PPP4R4: variants seen among roughly 807,000 people sequenced by gnomAD.
The protein encoded by PPP4R4 is serine/threonine-protein phosphatase 4 regulatory subunit 4.
A neutral mutation model predicts 121.8 loss-of-function variants in PPP4R4; 70 were observed. That is an observed-to-expected ratio of 0.57 (90% CI 0.47 to 0.70). The LOEUF is 0.70. Among genes scored for constraint, PPP4R4 ranks in the 30% least tolerant of loss-of-function variants. PPP4R4 has a pLI of 0.00. For synonymous variants in PPP4R4, 348 were observed against 355.7 expected (o/e 0.98, Z 0.24); for missense variants, 875 against 1,033.6 (o/e 0.85, Z 2.10).
intron 2 of PPP4R4, among the ~76,000 whole-genome samples, chr14:94,197,374 A>G (rs1889935823): frequency 6.6e-6 from 1 of 152,044 alleles, no homozygotes; most frequent in South Asian, 2.1e-4. Context: ...TCACGTAGTT[A>G]TGGTGTAGAT....
chr14:94,261,753 G>A (rs1893795372), intron 19 of PPP4R4, among the ~76,000 whole-genome samples: 1 of 151,924 alleles, frequency 6.6e-6, no homozygotes, highest in African/African-American at 2.4e-5. Context: ...CTCCTAGTTT[G>A]CTAGGAGTTT....
chr14:94,220,906 A>G (rs1891351416), intron 3 of PPP4R4, among the ~76,000 whole-genome samples: 1 of 152,190 alleles, frequency 6.6e-6, no homozygotes, highest in South Asian at 2.1e-4. Context: ...GATTCGTATG[A>G]GAATGTAAAG....
At position 94,242,345 on chromosome 14, in the gene PPP4R4, C is replaced by A. The variant is rs756949153; in HGVS notation, c.1203C>A (p.Phe401Leu). The part of the protein sequence containing the change: ...KNFHMELYST[F>L]FCLCHDPEVP... ...TCCACATGGAACTCTATTCTACATT[C>A]TTCTGCCTTTGCCATGACCCTGAAG... The change falls in exon 11 of 25, where the codon TTC becomes TTA. Residue 401 changes from phenylalanine to leucine, a missense_variant. Physicochemically the swap from Phe to Leu is conservative, Grantham distance 22. Transcript: ENST00000304338. 2 of 1,608,938 alleles carry A rather than the reference C, an allele frequency of 1.2e-6. No homozygotes were observed. The highest frequency in any genetic ancestry group is 2.2e-5 in the East Asian group (1 of 44,784).
chr14:94,249,008 T>G (rs1310565141), intron 14 of PPP4R4, among the ~76,000 whole-genome samples: 1 of 152,114 alleles, frequency 6.6e-6, no homozygotes, highest in Non-Finnish European at 1.5e-5. Context: ...GGCTCTTATG[T>G]GCTTTTGACT....
At chr14:94,264,994 T>G in intron 20 of PPP4R4, 47 bp downstream of exon 20, 1 of 1,318,968 alleles carries the variant, frequency 7.6e-7, no homozygotes, top group Non-Finnish European at 1.1e-6. Flanking sequence ...ATAATTAATG[T>G]TGCATCCTGG....
chr14:94,176,154 G>C (rs758893313), intron 2 of PPP4R4, 27 bp downstream of exon 2: 43 of 1,560,870 alleles, frequency 2.8e-5, no homozygotes, highest in Non-Finnish European at 3.7e-5. Flanking sequence ...CTGTGAAATT[G>C]CTCTTCTTTT....
chr14:94,213,420 A>G (rs1356138487), intron 3 of PPP4R4, among the ~76,000 whole-genome samples: 1 of 152,190 alleles, frequency 6.6e-6, no homozygotes, highest in African/African-American at 2.4e-5. Context: ...ACTTGCATGA[A>G]AATTACTTAA....
intron 14 of PPP4R4, among the ~76,000 whole-genome samples, chr14:94,248,269 A>G (rs910637482): frequency 6.6e-6 from 1 of 152,246 alleles, no homozygotes; most frequent in South Asian, 2.1e-4. Flanking sequence ...TACACCAATA[A>G]TGTTCAAGCT....
At chr14:94,192,411 G>C (rs1349010487) in intron 2 of PPP4R4, among the ~76,000 whole-genome samples, 1 of 151,906 alleles carries the variant, frequency 6.6e-6, no homozygotes, top group Non-Finnish European at 1.5e-5. Context: ...AATTCTCTAA[G>C]GTAATCATTT....
In PPP4R4 at chr14:94,279,256, G is replaced by C. The variant is rs984751582; in HGVS notation, c.*613G>C. ...CAGTGAAAATTCCACAAAGATTTCT[G>C]GTAACTTTGAGCTATAAATACCTTA... On this transcript the variant is annotated 3_prime_UTR_variant, in exon 25 of 25. Coordinates refer to ENST00000304338, the MANE Select transcript of PPP4R4 (RefSeq NM_058237.2). 4 of 152,480 alleles carry C rather than the reference G, an allele frequency of 2.6e-5. No homozygotes were observed. Among genetic ancestry groups the C allele is most frequent in the African/African-American group, 9.7e-5 (4 of 41,382 alleles). 9.4% of individuals were successfully genotyped at this position (152,480 alleles called of 1,614,324 possible). A position where few individuals can be genotyped will look rare whatever the true frequency, so the allele number is the denominator to read the frequency against.
At chr14:94,241,999 A>G (rs1446194748) in intron 10 of PPP4R4, 42 bp downstream of exon 10, 2 of 1,516,746 alleles carry the variant, frequency 1.3e-6, no homozygotes, top group South Asian at 1.2e-5. Context: ...TTTTTATTAT[A>G]ACTTTAAAAT....
intron 22 of PPP4R4, among the ~76,000 whole-genome samples, chr14:94,266,201 G>C (rs1318805475): frequency 6.6e-6 from 1 of 152,004 alleles, no homozygotes; most frequent in Admixed American, 6.6e-5. Context: ...CTTTTAATAC[G>C]TATGAGTATG....
intron 3 of PPP4R4, among the ~76,000 whole-genome samples, chr14:94,223,899 A>C (rs1027799232): frequency 6.6e-6 from 1 of 152,156 alleles, no homozygotes; most frequent in Admixed American, 6.5e-5. Flanking sequence ...CACCATCTCC[A>C]CATCCACACA....
intron 8 of PPP4R4, among the ~76,000 whole-genome samples, chr14:94,240,106 A>G (rs757520951): frequency 6.6e-6 from 1 of 152,204 alleles, no homozygotes; most frequent in Non-Finnish European, 1.5e-5. Flanking sequence ...AAAAATCACC[A>G]GTATGTCAGA....
At chr14:94,178,431 TG>T (rs994057578) in intron 2 of PPP4R4, among the ~76,000 whole-genome samples, 2 of 150,712 alleles carry the variant, frequency 1.3e-5, no homozygotes, top group African/African-American at 4.9e-5. Context: ...GAAACTATTT[TG>T]GAGTATTATG....
chr14:94,256,696 T>C, intron 17 of PPP4R4, 92 bp downstream of exon 17: 4 of 1,215,340 alleles, frequency 3.3e-6, no homozygotes, highest in Non-Finnish European at 3.3e-6. Context: ...GATAGCAATA[T>C]ATTACAATAT....
At chr14:94,195,484 C>T (rs1889824091) in intron 2 of PPP4R4, among the ~76,000 whole-genome samples, 2 of 152,130 alleles carry the variant, frequency 1.3e-5, no homozygotes, top group Admixed American at 1.3e-4. Context: ...GAACTGTGGC[C>T]AGTAATTAAT....
At position 94,182,570 on chromosome 14, in the gene PPP4R4, A is replaced by G. The variant is rs947895595; in HGVS notation, c.191+6443A>G. On this transcript the variant is annotated intron_variant, in intron 2 of 24. Coordinates refer to ENST00000304338, the MANE Select transcript of PPP4R4 (RefSeq NM_058237.2). Reference sequence around the variant, plus strand: ...CTGCTTTTGCTCAATATTTTAAAAAAGAGATTTATCCATATTGTTGCATGG... The same window carrying G: ...CTGCTTTTGCTCAATATTTTAAAAAGGAGATTTATCCATATTGTTGCATGG... Among the ~76,000 whole-genome samples the G allele has an allele frequency of 2.0e-4, 30 of 152,236 alleles. 1 individual carries two copies. In the East Asian group the frequency reaches 5.6e-3, roughly 28 times the overall value.
chr14:94,176,874 A>G lies in PPP4R4; in HGVS notation c.191+747A>G, dbSNP rs139675089. Among the ~76,000 whole-genome samples the G allele has an allele frequency of 3.4e-3, 515 of 152,198 alleles. 4 individuals carry two copies. The highest frequency in any genetic ancestry group is 0.012 in the African/African-American group (493 of 41,536). ...AATTGTTCATTAGCTTACACAACAT[A>G]TTTTTCCCTTTTGGCAAATTAGTCA... On this transcript the variant is annotated intron_variant, in intron 2 of 24. Coordinates refer to ENST00000304338, the MANE Select transcript of PPP4R4 (RefSeq NM_058237.2).
Sources: gnomAD v4.1 joint callset for allele counts (sites outside exome capture counted in the v4.1 genomes callset) on GRCh38, gnomAD v4.1.1 for gene constraint, MANE v1.5 for transcripts, NCBI Gene and HGNC (gene_info 2026-07-23, HGNC 2026-07-21) for gene names.